The following EPB41L3 variants were observed in gnomAD, a reference collection of about 807,000 sequenced individuals.
EPB41L3 encodes band 4.1-like protein 3.
A neutral mutation model predicts 127.1 loss-of-function variants in EPB41L3; 57 were observed. That is an observed-to-expected ratio of 0.45 (90% CI 0.36 to 0.56). The LOEUF (loss-of-function observed/expected upper bound fraction) is 0.56, where lower values mean the gene tolerates loss of function less well. Ranked by LOEUF, EPB41L3 falls within the 20% of genes least tolerant of loss-of-function variation. The pLI is 0.00. For missense variants in EPB41L3, 1,273 were observed against 1,372.2 expected, an observed-to-expected ratio of 0.93 and a Z score of 1.14; for synonymous variants, 572 against 549.5, an observed-to-expected ratio of 1.04 and a Z score of -0.57.
chr18:5,590,434 C>G (rs920107183), intron 3 of EPB41L3, among the ~76,000 whole-genome samples: 1 of 152,138 alleles, frequency 6.6e-6, no homozygotes, highest in Non-Finnish European at 1.5e-5. Flanking sequence ...CTGGGACTCT[C>G]ATACACTGCT....
At chr18:5,608,440 C>T (rs760442945) in intron 3 of EPB41L3, among the ~76,000 whole-genome samples, 4 of 152,158 alleles carry the variant, frequency 2.6e-5, no homozygotes, top group Admixed American at 6.6e-5. Context: ...CACATGAGCA[C>T]GCACATCATA....
intron 3 of EPB41L3, among the ~76,000 whole-genome samples, chr18:5,473,427 T>C (rs11660092): frequency 0.29 from 44,593 of 151,666 alleles, 7,723 homozygotes; most frequent in East Asian, 0.47. Context: ...AAACATTTGA[T>C]AGATGCAGCA....
chr18:5,573,941 G>A (rs1390152308), intron 3 of EPB41L3, among the ~76,000 whole-genome samples: 2 of 145,330 alleles, frequency 1.4e-5, no homozygotes, highest in Non-Finnish European at 3.0e-5. Flanking sequence ...GACGGAATCT[G>A]GCTCTGTTGC....
intron 1 of EPB41L3, among the ~76,000 whole-genome samples, chr18:5,510,890 T>C (rs1275247733): frequency 6.6e-6 from 1 of 152,184 alleles, no homozygotes; most frequent in Non-Finnish European, 1.5e-5. Context: ...AAGCTAGCTC[T>C]ATCTGCCTAC....
chr18:5,424,199 T>A, intron 10 of EPB41L3, 63 bp downstream of exon 10: 1 of 1,129,116 alleles, frequency 8.9e-7, no homozygotes, highest in Non-Finnish European at 1.2e-6. Context: ...TTATTGACAA[T>A]CTTTTTCAGT....
At chr18:5,569,177 T>C (rs1835236255) in intron 3 of EPB41L3, among the ~76,000 whole-genome samples, 1 of 152,194 alleles carries the variant, frequency 6.6e-6, no homozygotes, top group Non-Finnish European at 1.5e-5. Flanking sequence ...AACAAAACAG[T>C]AACATTAAAC....
At chr18:5,549,463 G>A (rs1557312) in intron 3 of EPB41L3, among the ~76,000 whole-genome samples, 6,698 of 152,262 alleles carry the variant, frequency 0.044, 454 homozygotes, top group African/African-American at 0.14. Flanking sequence ...GGATTTGTCT[G>A]ATATCCAAGG....
At chr18:5,496,326 T>C (rs2091173372) in intron 1 of EPB41L3, among the ~76,000 whole-genome samples, 1 of 152,264 alleles carries the variant, frequency 6.6e-6, no homozygotes, top group Non-Finnish European at 1.5e-5. Context: ...TAAATTTGCC[T>C]ATGCTTCTGA....
At chr18:5,501,262 G>T (rs1598377149) in intron 1 of EPB41L3, among the ~76,000 whole-genome samples, 1 of 141,686 alleles carries the variant, frequency 7.1e-6, no homozygotes, top group Non-Finnish European at 1.5e-5. Flanking sequence ...GCAGACTGGG[G>T]GTCATTAAGT....
intron 3 of EPB41L3, among the ~76,000 whole-genome samples, chr18:5,457,968 C>T (rs1036418980): frequency 2.0e-5 from 3 of 152,108 alleles, no homozygotes; most frequent in Admixed American, 6.6e-5. Context: ...TCGGGGTAGC[C>T]TACCTGTAAG....
At chr18:5,550,139 T>C (rs2093944402) in intron 3 of EPB41L3, among the ~76,000 whole-genome samples, 3 of 152,218 alleles carry the variant, frequency 2.0e-5, no homozygotes, top group African/African-American at 7.2e-5. Context: ...GGATGTCTCA[T>C]TAAAATGGGA....
At chr18:5,514,317 T>G (rs927243140) in intron 1 of EPB41L3, among the ~76,000 whole-genome samples, 1 of 152,248 alleles carries the variant, frequency 6.6e-6, no homozygotes, top group East Asian at 1.9e-4. Context: ...TTTTTATATG[T>G]GATGCCAATC....
intron 3 of EPB41L3, among the ~76,000 whole-genome samples, chr18:5,552,033 AAGAG>A (rs1480376389): frequency 6.6e-6 from 1 of 152,210 alleles, no homozygotes; most frequent in African/African-American, 2.4e-5. Flanking sequence ...AATTCCTCAA[AAGAG>A]AGAGGCTATA....
At chr18:5,421,698 C>T (rs150434965) in intron 11 of EPB41L3, among the ~76,000 whole-genome samples, 2 of 152,250 alleles carry the variant, frequency 1.3e-5, no homozygotes, top group African/African-American at 4.8e-5. Flanking sequence ...GGTCATTATT[C>T]TACATGAAGT....
rs944467652 is a variant in EPB41L3 at position 5,428,463 on chromosome 18, G to T, written c.915C>A (p.Asp305Glu). 1 of 1,614,072 alleles carries T rather than the reference G, an allele frequency of 6.2e-7. No homozygotes were observed. Residue 305 changes from aspartate to glutamate, a missense_variant and splice_region_variant, in exon 9 of 23, where the codon GAC (aspartate) becomes GAA (glutamate). Physicochemically the swap from Asp to Glu is conservative, Grantham distance 45. Around this residue, in one of 3 missense-constraint regions of EPB41L3, gnomAD observed 326 missense variants for 440.2 expected, o/e 0.74. Coordinates refer to ENST00000341928, the MANE Select transcript of EPB41L3 (RefSeq NM_012307.5). ...CTAACATAATTTCTACCCCTTCTGA[G>T]TCCTGGAAAATAAAAGCAAGAAACA... is the stretch of plus-strand genomic sequence containing the variant. ...MYGVDLHHAK[D>E]SEGVEIMLGV... is the part of the protein sequence containing the mutation.
At chr18:5,522,264 C>G (rs575508225) in intron 1 of EPB41L3, among the ~76,000 whole-genome samples, 62 of 151,784 alleles carry the variant, frequency 4.1e-4, no homozygotes, top group Non-Finnish European at 7.7e-4. Context: ...CCACCATGCT[C>G]AGCTAAATTT....
Position 5,428,405 on chromosome 18 carries a change from C to A in EPB41L3, c.973G>T (p.Asp325Tyr). The A allele has an allele frequency of 6.2e-7, 1 of 1,614,154 alleles. No individual in the cohort carries two copies. The highest frequency in any genetic ancestry group is 8.5e-7 in the Non-Finnish European group (1 of 1,180,032). Residue 325 changes from aspartate to tyrosine, a missense_variant, in exon 9 of 23, where the codon GAC becomes TAC. Around this residue, in one of 3 missense-constraint regions of EPB41L3, gnomAD observed 326 missense variants for 440.2 expected, o/e 0.74. Coordinates refer to ENST00000341928, the MANE Select transcript of EPB41L3 (RefSeq NM_012307.5). ...GCAAATCTGTTTATTCGCAGCCGGT[C>A]GCGATATATCAACAGACCACTTGCA... ...VCASGLLIYR[D>Y]RLRINRFAWP...
At chr18:5,500,881 C>T (rs181604438) in intron 1 of EPB41L3, among the ~76,000 whole-genome samples, 188 of 152,306 alleles carry the variant, frequency 1.2e-3, no homozygotes, top group African/African-American at 4.0e-3. Context: ...TAACTGCACA[C>T]ATGTCTCAAG....
At chr18:5,575,396 CCT>C (rs1180306296) in intron 3 of EPB41L3, among the ~76,000 whole-genome samples, 4 of 151,992 alleles carry the variant, frequency 2.6e-5, no homozygotes, top group Admixed American at 6.6e-5. Flanking sequence ...AATTCTCGCC[CCT>C]GTTTGTTACC....
Sources: allele counts gnomAD v4.1 joint callset (sites outside exome capture counted in the v4.1 genomes callset), GRCh38; gene constraint gnomAD v4.1.1; regional missense constraint gnomAD v4.1.1; transcripts MANE v1.5; gene names NCBI Gene and HGNC (gene_info 2026-07-23, HGNC 2026-07-21).